COBLL1: variants seen among roughly 807,000 people sequenced by gnomAD.
COBLL1 encodes cordon-bleu protein-like 1.
Under a neutral mutation model 94.8 loss-of-function variants are expected in COBLL1, and 50 were observed. The ratio of observed to expected loss-of-function variants is 0.53; its 90% CI spans 0.42 to 0.67. The LOEUF is 0.67. Ranked by LOEUF, COBLL1 falls within the 30% of genes least tolerant of loss-of-function variation. The probability of loss-of-function intolerance (pLI) is 0.00; values close to 1 mark genes in which losing one functional copy is unlikely to be tolerated. For synonymous variants in COBLL1, 448 were observed against 473.8 expected, an observed-to-expected ratio of 0.95 and a Z score of 0.71; for missense variants, 1,362 against 1,348.7, an observed-to-expected ratio of 1.01 and a Z score of -0.15.
intron 13 of COBLL1, among the ~76,000 whole-genome samples, chr2:164,686,775 T>G (rs187064095): frequency 2.0e-5 from 3 of 152,308 alleles, no homozygotes; most frequent in African/African-American, 7.2e-5. Context: ...TACCTATATT[T>G]TGAAACATCA....
intron 7 of COBLL1, among the ~76,000 whole-genome samples, chr2:164,716,843 G>T (rs944411970): frequency 4.6e-5 from 7 of 152,094 alleles, no homozygotes; most frequent in Non-Finnish European, 8.8e-5. Context: ...TTAGAAGAAT[G>T]AGGCAAATTA....
In COBLL1 at chr2:164,841,386, GC is replaced by G; in HGVS notation, c.-50-141del. On this transcript the variant is annotated intron_variant, in intron 1 of 13. Transcript: ENST00000652658. This position sits in a 1 kb window ranked among gnomAD's most constrained non-coding sequence, Gnocchi z 5.5. The stretch of plus-strand genomic sequence containing the variant: ...CTCCCGGGTGCGCTTCCACCTGCGG[GC>G]CCCGGCTCCCAGCCCGCGGGCGCCG... 1 of 1,178,428 alleles carries G rather than the reference GC, an allele frequency of 8.5e-7. No individual in the cohort carries two copies. Among genetic ancestry groups the G allele is most frequent in the Non-Finnish European group, 1.0e-6 (1 of 954,258 alleles). 73.0% of individuals were successfully genotyped at this position (1,178,428 alleles called of 1,614,324 possible).
rs1685488823 is a variant in COBLL1, at chr2:164,722,297, A to G, written c.774T>C (p.Pro258=). The G allele has an allele frequency of 1.2e-6, 2 of 1,613,770 alleles. No homozygotes were observed. The highest frequency in any genetic ancestry group is 2.2e-5 in the South Asian group (2 of 91,068). The change falls in exon 7 of 14, where the codon CCT becomes CCC. Residue 258 remains proline, a synonymous_variant. Transcript: ENST00000652658. ...GGTGCTTATTTACTAGAGGGGTTGC[A>G]GGGGCACTTGCAGTCTAGTAAAGAA... The part of the protein sequence containing the change: ...KKKRDQTASA[P]ATPLVNKHRP...
chr2:164,772,300 T>C (rs1688247488), intron 2 of COBLL1, among the ~76,000 whole-genome samples: 1 of 152,026 alleles, frequency 6.6e-6, no homozygotes, highest in Non-Finnish European at 1.5e-5. Context: ...ATTTGGAAAA[T>C]GTAAATCTCA....
chr2:164,756,026 A>G (rs956028470), intron 2 of COBLL1, among the ~76,000 whole-genome samples: 1 of 150,570 alleles, frequency 6.6e-6, no homozygotes, highest in African/African-American at 2.4e-5. Flanking sequence ...GTGAGTATAC[A>G]TACGTGCGTA....
rs151261899 is a variant in COBLL1, at chr2:164,709,575, G to A, written c.997-4470C>T. Among the ~76,000 whole-genome samples, 452 of 152,156 alleles carry A rather than the reference G, an allele frequency of 3.0e-3. 1 individual carries two copies. The highest frequency in any genetic ancestry group is 9.9e-3 in the African/African-American group (413 of 41,518). On this transcript the variant is annotated intron_variant, in intron 7 of 13. Coordinates refer to ENST00000652658, the MANE Select transcript of COBLL1 (RefSeq NM_001365672.2). ...TCTACTAAAAATACAGAAATTAGCCGGGTATGGTGGTGTGTGCCTGTAATC... is the reference window on the plus strand; with the variant it reads ...TCTACTAAAAATACAGAAATTAGCCAGGTATGGTGGTGTGTGCCTGTAATC...
rs551172451 is a variant in COBLL1 at position 164,672,460 on chromosome 2, AG to A, written n.127-6560del. Reference sequence around the variant, plus strand: ...ACGCCTGTAATCCCAGCACTTTGGGAGGCCGAGGCGGGTGGATCATGAGGTC... The same window carrying A: ...ACGCCTGTAATCCCAGCACTTTGGGAGCCGAGGCGGGTGGATCATGAGGTC... On this transcript the variant is annotated intron_variant and non_coding_transcript_variant, in intron 1 of 2. Coordinates refer to the COBLL1 transcript ENST00000495084. Among the ~76,000 whole-genome samples, 383 of 152,186 alleles carry A rather than the reference AG, an allele frequency of 2.5e-3. 1 individual carries two copies. The highest frequency in any genetic ancestry group is 9.0e-3 in the African/African-American group (372 of 41,522).
intron 5 of COBLL1, chr2:164,727,083 T>G (rs1296783662): frequency 1.5e-6 from 2 of 1,331,952 alleles, no homozygotes; most frequent in African/African-American, 3.0e-5. Flanking sequence ...TATAATTTGT[T>G]TCTACTGATT....
chr2:164,731,756 C>G (rs1248821586), intron 3 of COBLL1, among the ~76,000 whole-genome samples: 1 of 152,240 alleles, frequency 6.6e-6, no homozygotes, highest in South Asian at 2.1e-4. Context: ...AGATATAAAC[C>G]TGGTTACTGG....
At chr2:164,755,655 C>A (rs1687361394) in intron 2 of COBLL1, among the ~76,000 whole-genome samples, 2 of 152,140 alleles carry the variant, frequency 1.3e-5, no homozygotes, top group Admixed American at 1.3e-4. Context: ...AAAGACATAA[C>A]CTGCTCTGTG....
At chr2:164,822,387 G>A (rs1433335005) in intron 2 of COBLL1, among the ~76,000 whole-genome samples, 1 of 152,176 alleles carries the variant, frequency 6.6e-6, no homozygotes, top group Admixed American at 6.5e-5. Flanking sequence ...TGGGGGCCCT[G>A]GGAGCCCCAG....
Position 164,841,250 on chromosome 2 carries a change from G to A in COBLL1, c.-50-4C>T. On this transcript the variant is annotated splice_polypyrimidine_tract_variant and splice_region_variant and intron_variant, in intron 1 of 13. Coordinates refer to ENST00000652658, the MANE Select transcript of COBLL1 (RefSeq NM_001365672.2). This position sits in a 1 kb window ranked among gnomAD's most constrained non-coding sequence, Gnocchi z 5.5. ...GCTCCCAGGCGGCGCGTCACTGCTG[G>A]GGTGGGAGAGGCCGGCGGGTCAGGG... 8.2e-7 allele frequency: 1 copy of A among 1,225,620 alleles called. No individual in the cohort carries two copies. Among genetic ancestry groups the A allele is most frequent in the South Asian group, 4.1e-5 (1 of 24,310 alleles). The allele number at this position is 1,225,620 out of a possible 1,614,324, so 75.9% of individuals were successfully genotyped here. A position where few individuals can be genotyped will look rare whatever the true frequency, so the allele number is the denominator to read the frequency against.
intron 2 of COBLL1, among the ~76,000 whole-genome samples, chr2:164,662,115 A>G (rs1245873095): frequency 6.6e-6 from 1 of 152,218 alleles, no homozygotes; most frequent in Non-Finnish European, 1.5e-5. Context: ...AAAGGAAAAA[A>G]TAAGTATGGA....
intron 2 of COBLL1, among the ~76,000 whole-genome samples, chr2:164,768,491 G>A (rs1688046793): frequency 6.6e-6 from 1 of 151,588 alleles, no homozygotes; most frequent in Admixed American, 6.6e-5. Flanking sequence ...TTCTTCCAAT[G>A]TGGCCCACGA....
intron 2 of COBLL1, among the ~76,000 whole-genome samples, chr2:164,749,815 G>T (rs543510643): frequency 2.0e-5 from 3 of 151,804 alleles, no homozygotes; most frequent in Non-Finnish European, 2.9e-5. Flanking sequence ...TTTTCTCAAG[G>T]TTGCCAATAA....
At position 164,722,526 on chromosome 2, in the gene COBLL1, A is replaced by C. The variant is rs1685505950; in HGVS notation, c.662-4T>G. 9.3e-6 allele frequency: 13 copies of C among 1,403,860 alleles called. No individual in the cohort carries two copies. Among genetic ancestry groups the C allele is most frequent in the Non-Finnish European group, 1.2e-5 (13 of 1,042,740 alleles). The allele number at this position is 1,403,860 out of a possible 1,614,324, so 87.0% of individuals were successfully genotyped here. A position where few individuals can be genotyped will look rare whatever the true frequency, so the allele number is the denominator to read the frequency against. On this transcript the variant is annotated splice_polypyrimidine_tract_variant and splice_region_variant and intron_variant, in intron 5 of 13. Transcript: ENST00000652658. ...TTTTGTGATATTTGGCAGGACTCTA[A>C]AATAGAAGAAAAGCATCTTACTTTT...
chr2:164,760,423 GTTTC>G (rs1300031251), intron 2 of COBLL1, among the ~76,000 whole-genome samples: 2 of 152,108 alleles, frequency 1.3e-5, no homozygotes, highest in African/African-American at 2.4e-5. Flanking sequence ...ACATGAGGGA[GTTTC>G]TTTGTGGTGG....
chr2:164,740,889 G>A (rs75814189), intron 3 of COBLL1, among the ~76,000 whole-genome samples: 1 of 150,884 alleles, frequency 6.6e-6, no homozygotes, highest in African/African-American at 2.5e-5. Flanking sequence ...TTACACGAGG[G>A]GGGGAAAAGT....
chr2:164,731,636 T>C (rs1686019622), intron 3 of COBLL1, among the ~76,000 whole-genome samples: 1 of 152,184 alleles, frequency 6.6e-6, no homozygotes. Context: ...GATGGAGGCA[T>C]AGGTTCATGG....
Sources: gnomAD v4.1 joint callset for allele counts (sites outside exome capture counted in the v4.1 genomes callset) on GRCh38, gnomAD v4.1.1 for gene constraint, Gnocchi (gnomAD v3.1) non-coding constraint, MANE v1.5 for transcripts, NCBI Gene and HGNC (gene_info 2026-07-23, HGNC 2026-07-21) for gene names.